CNTNAP2: variants seen among roughly 807,000 people sequenced by gnomAD.
The protein encoded by CNTNAP2 is contactin-associated protein-like 2.
A neutral mutation model predicts 155.2 loss-of-function variants in CNTNAP2; 98 were observed. The observed-to-expected ratio is 0.63, with a 90% confidence interval of 0.54 to 0.75. The LOEUF (loss-of-function observed/expected upper bound fraction) is 0.75. Among genes scored for constraint, CNTNAP2 ranks in the 30% least tolerant of loss-of-function variants. The pLI, the probability that CNTNAP2 is intolerant of heterozygous loss-of-function variation, is 0.00. For missense variants in CNTNAP2, 1,727 were observed against 1,688.1 expected, an observed-to-expected ratio of 1.02 and a Z score of -0.40; for synonymous variants, 651 against 631.2, an observed-to-expected ratio of 1.03 and a Z score of -0.47.
intron 15 of CNTNAP2, among the ~76,000 whole-genome samples, chr7:148,081,409 G>T (rs994617291): frequency 2.0e-5 from 3 of 151,988 alleles, no homozygotes; most frequent in South Asian, 2.1e-4. Context: ...TAATCTGGGT[G>T]GGCACCATCT....
At chr7:147,931,037 G>A (rs1175484623) in intron 14 of CNTNAP2, among the ~76,000 whole-genome samples, 2 of 151,946 alleles carry the variant, frequency 1.3e-5, no homozygotes, top group Non-Finnish European at 2.9e-5. Context: ...ATGCAATACA[G>A]CAAAAGCAAT....
chr7:147,669,520 T>A (rs1302063600), intron 13 of CNTNAP2, among the ~76,000 whole-genome samples: 1 of 152,222 alleles, frequency 6.6e-6, no homozygotes, highest in African/African-American at 2.4e-5. Flanking sequence ...ACCAACTATA[T>A]GCTACCACCA....
chr7:148,138,294 T>G (rs191746118), intron 16 of CNTNAP2, among the ~76,000 whole-genome samples: 1 of 152,244 alleles, frequency 6.6e-6, no homozygotes, highest in Non-Finnish European at 1.5e-5. Context: ...TTGACTTGTA[T>G]GCTGTCTCCT....
At chr7:146,335,310 C>T (rs1427922779) in intron 1 of CNTNAP2, among the ~76,000 whole-genome samples, 1 of 152,164 alleles carries the variant, frequency 6.6e-6, no homozygotes, top group Non-Finnish European at 1.5e-5. Context: ...AAAATGAATA[C>T]ATTTTATTAC....
At chr7:146,325,222 A>G (rs1206369238) in intron 1 of CNTNAP2, among the ~76,000 whole-genome samples, 3 of 152,112 alleles carry the variant, frequency 2.0e-5, no homozygotes, top group African/African-American at 7.2e-5. Flanking sequence ...ATATACTTCT[A>G]ATTTATATTT....
At position 147,532,310 on chromosome 7, in the gene CNTNAP2, C is replaced by T. The variant is rs561259781; in HGVS notation, c.1778-29828C>T. Among the ~76,000 whole-genome samples, 5 of 152,308 alleles carry T rather than the reference C, an allele frequency of 3.3e-5. No individual in the cohort carries two copies. In the East Asian group the frequency reaches 9.7e-4, roughly 29 times the overall value. ...CATCTCTAGGGCAGGGGCAAAATGC[C>T]ACCAGTCTCTTTGCTAAACATAACA... On this transcript the variant is annotated intron_variant, in intron 11 of 23. Transcript: ENST00000361727.
chr7:148,199,827 A>T (rs1458365197), intron 18 of CNTNAP2, among the ~76,000 whole-genome samples: 1 of 152,232 alleles, frequency 6.6e-6, no homozygotes. Flanking sequence ...ATAGAGGCCA[A>T]GAAGTCCCAT....
chr7:146,225,196 AG>A (rs1799272226), intron 1 of CNTNAP2, among the ~76,000 whole-genome samples: 1 of 151,876 alleles, frequency 6.6e-6, no homozygotes, highest in Non-Finnish European at 1.5e-5. Context: ...CTGAACAAGC[AG>A]AAAAAAATAT....
chr7:147,507,841 G>A (rs9690355), intron 11 of CNTNAP2, among the ~76,000 whole-genome samples: 26,211 of 151,916 alleles, frequency 0.17, 2,514 homozygotes, highest in East Asian at 0.4. Flanking sequence ...GTGAGCCACC[G>A]CGCCTGGCCA....
At chr7:146,337,748 A>C (rs773908916) in intron 1 of CNTNAP2, among the ~76,000 whole-genome samples, 5 of 152,160 alleles carry the variant, frequency 3.3e-5, no homozygotes, top group Non-Finnish European at 5.9e-5. Context: ...CTGGGATTAC[A>C]GGTGTTAGCC....
At chr7:146,184,724 G>A (rs1212981427) in intron 1 of CNTNAP2, among the ~76,000 whole-genome samples, 1 of 152,046 alleles carries the variant, frequency 6.6e-6, no homozygotes, top group Non-Finnish European at 1.5e-5. Flanking sequence ...GTGGCTCAAA[G>A]GATAATCTAG....
At chr7:147,630,870 T>C (rs185000780) in intron 12 of CNTNAP2, among the ~76,000 whole-genome samples, 1 of 152,272 alleles carries the variant, frequency 6.6e-6, no homozygotes, top group East Asian at 1.9e-4. Context: ...AACATTATAC[T>C]GAATGGGAAA....
chr7:147,638,279 G>C (rs552062689), intron 12 of CNTNAP2, among the ~76,000 whole-genome samples: 56 of 152,096 alleles, frequency 3.7e-4, no homozygotes, highest in African/African-American at 1.3e-3. Flanking sequence ...CATTTCTCCA[G>C]GGATCCTAGT....
chr7:147,292,772 T>C (rs1427874499), intron 8 of CNTNAP2, among the ~76,000 whole-genome samples: 1 of 80,934 alleles, frequency 1.2e-5, no homozygotes, highest in East Asian at 2.0e-4. Context: ...GTCATTTCTG[T>C]TTGTTTGTTT....
chr7:146,474,707 A>C (rs969455891), intron 1 of CNTNAP2, among the ~76,000 whole-genome samples: 1 of 152,224 alleles, frequency 6.6e-6, no homozygotes, highest in Non-Finnish European at 1.5e-5. Context: ...GTTTTATGTT[A>C]ATTGTATTTT....
At chr7:147,295,304 G>C (rs1805417052) in intron 8 of CNTNAP2, among the ~76,000 whole-genome samples, 3 of 151,884 alleles carry the variant, frequency 2.0e-5, no homozygotes, top group Non-Finnish European at 4.4e-5. Context: ...GTGTGTGTGT[G>C]TTTGCATAGT....
intron 12 of CNTNAP2, among the ~76,000 whole-genome samples, chr7:147,606,972 T>C (rs1251435911): frequency 6.6e-6 from 1 of 152,136 alleles, no homozygotes; most frequent in Non-Finnish European, 1.5e-5. Context: ...GCATTTGTAC[T>C]TTTGTTAAAA....
intron 3 of CNTNAP2, among the ~76,000 whole-genome samples, chr7:146,895,688 C>T (rs1795863440): frequency 6.6e-6 from 1 of 152,138 alleles, no homozygotes; most frequent in African/African-American, 2.4e-5. Context: ...TAGACAATTA[C>T]ATGGCACCAT....
chr7:147,298,386 T>C (rs903065857), intron 8 of CNTNAP2, among the ~76,000 whole-genome samples: 1 of 151,870 alleles, frequency 6.6e-6, no homozygotes, highest in African/African-American at 2.4e-5. Flanking sequence ...ATCCCGTCAT[T>C]GCACTCCAGC....
Sources: allele counts gnomAD v4.1 joint callset (sites outside exome capture counted in the v4.1 genomes callset), GRCh38; gene constraint gnomAD v4.1.1; transcripts MANE v1.5; gene names NCBI Gene and HGNC (gene_info 2026-07-23, HGNC 2026-07-21).